CPM: variants seen among roughly 807,000 people sequenced by gnomAD.
CPM encodes the protein renal carboxypeptidase.
Under a neutral mutation model 46.4 loss-of-function variants are expected in CPM, and 35 were observed. That is an observed-to-expected ratio of 0.75 (90% CI 0.58 to 1.00). The LOEUF (loss-of-function observed/expected upper bound fraction) is 1.00. CPM is among the 50% of genes least tolerant of loss of function. The pLI, the probability that CPM is intolerant of heterozygous loss-of-function variation, is 0.00. For synonymous variants in CPM, 195 were observed against 195.3 expected, an observed-to-expected ratio of 1.00 and a Z score of 0.01; for missense variants, 422 against 530.4, an observed-to-expected ratio of 0.80 and a Z score of 2.01.
chr12:68,890,716 T>G (rs1886620030), intron 2 of CPM, among the ~76,000 whole-genome samples: 1 of 152,248 alleles, frequency 6.6e-6, no homozygotes, highest in African/African-American at 2.4e-5. Context: ...TGGCTATGAC[T>G]GATTACAGAA....
intron 2 of CPM, among the ~76,000 whole-genome samples, chr12:68,918,256 G>A (rs1440895932): frequency 6.6e-6 from 1 of 152,010 alleles, no homozygotes; most frequent in Non-Finnish European, 1.5e-5. Flanking sequence ...GCTATAGCTC[G>A]ATTCTGGCCT....
chr12:68,883,049 G>T (rs1180270243), intron 3 of CPM, among the ~76,000 whole-genome samples: 2 of 152,080 alleles, frequency 1.3e-5, no homozygotes, highest in African/African-American at 4.8e-5. Context: ...GTGGGGGTGG[G>T]GTCCCATTTT....
At chr12:68,928,784 G>A (rs1239431087) in intron 2 of CPM, among the ~76,000 whole-genome samples, 2 of 151,360 alleles carry the variant, frequency 1.3e-5, no homozygotes, top group Admixed American at 6.6e-5. Flanking sequence ...CTGTAGGCCA[G>A]GCTGGAGTAC....
chr12:68,845,871 C>T (rs1021362895), intron 5 of CPM: 1 of 152,468 alleles, frequency 6.6e-6, no homozygotes, highest in African/African-American at 2.4e-5. Flanking sequence ...TCAAGCAATC[C>T]TCCCACCTCA....
At chr12:68,859,979 G>C (rs1039734400) in intron 7 of CPM, among the ~76,000 whole-genome samples, 7 of 152,138 alleles carry the variant, frequency 4.6e-5, no homozygotes, top group Non-Finnish European at 1.0e-4. Context: ...ACAATAGTAA[G>C]ATGATCTTGA....
At chr12:68,953,126 C>A (rs537402560) in intron 1 of CPM, among the ~76,000 whole-genome samples, 1 of 152,166 alleles carries the variant, frequency 6.6e-6, no homozygotes, top group East Asian at 1.9e-4. Context: ...GGAGCCAGCA[C>A]GGGACATTCA....
At chr12:68,881,969 A>C (rs1363030859) in intron 3 of CPM, among the ~76,000 whole-genome samples, 1 of 142,442 alleles carries the variant, frequency 7.0e-6, no homozygotes. Context: ...TGATCCACCC[A>C]CCTCAGCCTC....
At chr12:68,905,297 T>G (rs1436943131) in intron 2 of CPM, among the ~76,000 whole-genome samples, 1 of 151,850 alleles carries the variant, frequency 6.6e-6, no homozygotes, top group East Asian at 1.9e-4. Context: ...TCTCTCTTTT[T>G]TTAAACAGGG....
chr12:68,886,018 T>G (rs747642676), intron 2 of CPM, 129 bp from the exon 3 acceptor site: 2 of 679,454 alleles, frequency 2.9e-6, no homozygotes, highest in Non-Finnish European at 5.0e-6. Flanking sequence ...GACTTAAGTT[T>G]GTATGACTAA....
intron 7 of CPM, among the ~76,000 whole-genome samples, chr12:68,864,237 G>A (rs1027458149): frequency 2.6e-5 from 4 of 152,222 alleles, no homozygotes; most frequent in Admixed American, 1.3e-4. Flanking sequence ...CTGAGGTCAG[G>A]AGTTCAAGAC....
At chr12:68,891,894 G>A (rs141815129) in intron 2 of CPM, among the ~76,000 whole-genome samples, 149 of 152,142 alleles carry the variant, frequency 9.8e-4, no homozygotes, top group African/African-American at 3.3e-3. Flanking sequence ...GTGCCACCAC[G>A]GCCAACTCAT....
chr12:68,843,268 A>G (rs1883960306), intron 5 of CPM: 2 of 227,804 alleles, frequency 8.8e-6, no homozygotes, highest in South Asian at 1.8e-4. Flanking sequence ...TCCAAAGGTA[A>G]AAGTACTAAT....
chr12:68,947,653 TA>T (rs950277271), intron 1 of CPM, among the ~76,000 whole-genome samples: 32 of 151,890 alleles, frequency 2.1e-4, no homozygotes, highest in African/African-American at 6.3e-4. Flanking sequence ...TATTTATTAT[TA>T]TTTTTTTTGA....
chr12:68,879,389 G>C (rs1353589204), intron 3 of CPM, among the ~76,000 whole-genome samples: 1 of 151,808 alleles, frequency 6.6e-6, no homozygotes. Flanking sequence ...TTTAAGACAG[G>C]GTCTTGCTTT....
rs1325595182 is a variant in CPM at position 68,853,893 on chromosome 12, T to A, written c.*2544A>T. ...AGAAATCTGCTCACCAGAGTTGCTATTTTTTTTTTCTTTTCTGTTTAGTGC... is the reference window on the plus strand; with the variant it reads ...AGAAATCTGCTCACCAGAGTTGCTAATTTTTTTTTCTTTTCTGTTTAGTGC... On this transcript the variant is annotated 3_prime_UTR_variant, in exon 9 of 9. Coordinates refer to ENST00000551568, the MANE Select transcript of CPM (RefSeq NM_198320.5). 2.0e-5 allele frequency: 3 copies of A among 147,676 alleles called. No individual in the cohort carries two copies. The highest frequency in any genetic ancestry group is 4.5e-5 in the Non-Finnish European group (3 of 66,150). 9.1% of individuals were successfully genotyped at this position (147,676 alleles called of 1,614,324 possible). A position where few individuals can be genotyped will look rare whatever the true frequency, so the allele number is the denominator to read the frequency against.
At chr12:68,874,040 A>C (rs1885830097) in intron 3 of CPM, among the ~76,000 whole-genome samples, 1 of 152,008 alleles carries the variant, frequency 6.6e-6, no homozygotes, top group African/African-American at 2.4e-5. Context: ...TCCTGACCTC[A>C]GGTGATCTGC....
At chr12:68,903,869 CCTTTCTCTCATTCTTTCTTT>C (rs998785640) in intron 2 of CPM, among the ~76,000 whole-genome samples, 11 of 148,516 alleles carry the variant, frequency 7.4e-5, no homozygotes, top group Non-Finnish European at 1.6e-4. Flanking sequence ...TCCCTCCCTC[CCTTTCTCTCATTCTTTCTTT>C]CTTTCTTTCT....
chr12:68,924,473 C>T (rs1260669349), intron 2 of CPM, among the ~76,000 whole-genome samples: 1 of 78,012 alleles, frequency 1.3e-5, no homozygotes, highest in Non-Finnish European at 2.5e-5. Flanking sequence ...GAGCGAGACT[C>T]CATATAGAAA....
At chr12:68,844,637 G>A (rs935089146) in intron 5 of CPM, 1 of 226,564 alleles carries the variant, frequency 4.4e-6, no homozygotes, top group Non-Finnish European at 8.8e-6. Flanking sequence ...AGGCACAAAT[G>A]TAAGTACATC....
Sources: gnomAD v4.1 joint callset for allele counts (sites outside exome capture counted in the v4.1 genomes callset) on GRCh38, gnomAD v4.1.1 for gene constraint, MANE v1.5 for transcripts, NCBI Gene and HGNC (gene_info 2026-07-23, HGNC 2026-07-21) for gene names.